ZNF808: variants seen among roughly 807,000 people sequenced by gnomAD.
ZNF808 encodes the protein zinc finger protein 808.
In ZNF808, 5 loss-of-function variants were observed where a neutral mutation model predicts 8.7. That is an observed-to-expected ratio of 0.58 (90% confidence interval 0.30 to 1.21). ZNF808 has a LOEUF of 1.21. Among genes scored for constraint, ZNF808 ranks in the 50% most tolerant of loss-of-function variants. ZNF808 has a pLI of 0.07. For synonymous variants in ZNF808, 380 were observed against 366.0 expected, an observed-to-expected ratio of 1.04 and a Z score of -0.44; for missense variants, 1,103 against 1,098.4, an observed-to-expected ratio of 1.00 and a Z score of -0.06.
intron 3 of ZNF808, among the ~76,000 whole-genome samples, chr19:52,544,146 G>A (rs1039467844): frequency 1.8e-4 from 28 of 152,080 alleles, no homozygotes; most frequent in Admixed American, 9.8e-4. Flanking sequence ...GAGATGGAGC[G>A]AGACTCTGTC....
rs137889643 is a variant in ZNF808, at chr19:52,542,561, A to G, written c.-19-705A>G. Among the ~76,000 whole-genome samples the G allele has an allele frequency of 6.8e-3, 1,030 of 151,172 alleles. 10 individuals carry two copies. The highest frequency in any genetic ancestry group is 0.023 in the African/African-American group (954 of 40,972). ...TCCCACAGCCCCCATTTGACACTGC[A>G]GCTGTGAAACCAGAAAATCTTACAG... is the stretch of plus-strand genomic sequence containing the variant. On this transcript the variant is annotated intron_variant, in intron 2 of 4. Coordinates refer to ENST00000359798, the MANE Select transcript of ZNF808 (RefSeq NM_001039886.4).
chr19:52,533,927 CAAATGATTCCAATTT>C lies in ZNF808; in HGVS notation c.-20+922_-20+936del, dbSNP rs371201852. Among the ~76,000 whole-genome samples, 1,033 of 145,728 alleles carry C rather than the reference CAAATGATTCCAATTT, an allele frequency of 7.1e-3. 16 individuals are homozygous for C. The highest frequency in any genetic ancestry group is 0.026 in the African/African-American group (987 of 38,574). On this transcript the variant is annotated intron_variant, in intron 2 of 4. Coordinates refer to ENST00000359798, the MANE Select transcript of ZNF808 (RefSeq NM_001039886.4). ...GTAGGAAATTAAGTAATTCAAACAT[CAAATGATTCCAATTT>C]AAAGCTATGGACATTTAAATAATTC...
In ZNF808 at chr19:52,554,841, C is replaced by T. The variant is rs745943688; in HGVS notation, c.1925C>T (p.Thr642Ile). The change falls in exon 5 of 5, where the codon ACA (threonine) becomes ATA (isoleucine). Residue 642 changes from threonine (T) to isoleucine (I), a missense_variant. Thr to Ile is a moderately conservative substitution (Grantham distance 89). Coordinates refer to ENST00000359798, the MANE Select transcript of ZNF808 (RefSeq NM_001039886.4). The stretch of plus-strand genomic sequence containing the variant: ...TGGAATTCACAGCTGGCACGACATA[C>T]AAGAATTCACACTGGAGAAAAAACT... ...FTWNSQLARH[T>I]RIHTGEKTYK... The T allele has an allele frequency of 6.2e-7, 1 of 1,613,510 alleles. No homozygotes were observed. The highest frequency in any genetic ancestry group is 1.3e-5 in the African/African-American group (1 of 74,722).
At chr19:52,540,644 T>TC (rs1197142540) in intron 2 of ZNF808, among the ~76,000 whole-genome samples, 4 of 152,156 alleles carry the variant, frequency 2.6e-5, no homozygotes, top group Admixed American at 2.0e-4. Context: ...TAAGTAAGTG[T>TC]CCCCTCAATT....
intron 4 of ZNF808, among the ~76,000 whole-genome samples, chr19:52,548,176 G>A (rs2059742020): frequency 6.6e-6 from 1 of 152,082 alleles, no homozygotes; most frequent in Non-Finnish European, 1.5e-5. Flanking sequence ...CATCATTCGG[G>A]CTCACAGCCT....
At chr19:52,551,953 A>C (rs1247891548) in intron 4 of ZNF808, among the ~76,000 whole-genome samples, 2 of 152,114 alleles carry the variant, frequency 1.3e-5, no homozygotes, top group African/African-American at 2.4e-5. Context: ...CAGTGAGCTG[A>C]GATTACACCA....
At chr19:52,564,949 T>G (rs1311517401), downstream of ZNF808, among the ~76,000 whole-genome samples, 3 of 151,946 alleles carry the variant, frequency 2.0e-5, no homozygotes, top group African/African-American at 7.3e-5. Context: ...AGCCAGGCGC[T>G]GTGGCAGGGG....
intron 2 of ZNF808, among the ~76,000 whole-genome samples, chr19:52,540,238 CTAACAT>C (rs1446085812): frequency 7.2e-5 from 11 of 152,044 alleles, no homozygotes; most frequent in African/African-American, 2.7e-4. Context: ...TCTCGAACCC[CTAACAT>C]TGTGGTCTTC....
chr19:52,544,288 G>C (rs1438064324), intron 3 of ZNF808, among the ~76,000 whole-genome samples: 1 of 152,106 alleles, frequency 6.6e-6, no homozygotes, highest in Non-Finnish European at 1.5e-5. Context: ...CTCCCAAAGA[G>C]CCTGAATGAT....
intron 3 of ZNF808, among the ~76,000 whole-genome samples, chr19:52,543,986 C>T (rs1187548472): frequency 6.6e-6 from 1 of 151,934 alleles, no homozygotes; most frequent in Non-Finnish European, 1.5e-5. Flanking sequence ...TGGTGAAACC[C>T]CATCTCTACT....
chr19:52,539,206 A>C (rs928105840), intron 2 of ZNF808, among the ~76,000 whole-genome samples: 20 of 61,660 alleles, frequency 3.2e-4, no homozygotes, highest in African/African-American at 1.3e-3. Flanking sequence ...TTTTTTTTTA[A>C]TTTTTGAGAT....
rs2059814138 is a variant in ZNF808 at position 52,554,529 on chromosome 19, C to T, written c.1613C>T (p.Ser538Phe). ...YHRRLHTLEK[S>F]YKCTVCNKVF... ...CGTAGACTTCACACTCTAGAGAAAT[C>T]TTACAAATGTACGGTTTGTAACAAG... Residue 538 changes from serine (S) to phenylalanine (F), a missense_variant, in exon 5 of 5, where the codon TCT (serine) becomes TTT (phenylalanine). Transcript: ENST00000359798. 7 of 1,614,140 alleles carry T rather than the reference C, an allele frequency of 4.3e-6. No individual in the cohort carries two copies. The highest frequency in any genetic ancestry group is 1.1e-5 in the South Asian group (1 of 91,074).
chr19:52,553,050 C>T (rs1224183523), intron 4 of ZNF808, 57 bp from the exon 5 acceptor site: 6 of 1,494,026 alleles, frequency 4.0e-6, no homozygotes, highest in East Asian at 2.3e-5. Context: ...TTACACACTT[C>T]AGTATGATTT....
chr19:52,547,073 G>T (rs933095300), intron 3 of ZNF808, among the ~76,000 whole-genome samples: 3 of 150,216 alleles, frequency 2.0e-5, no homozygotes, highest in Non-Finnish European at 4.4e-5. Flanking sequence ...TCAGCCTCCT[G>T]TGTAGCTGGG....
chr19:52,539,184 A>ATTTTTTT (rs3049209), intron 2 of ZNF808, among the ~76,000 whole-genome samples: 28 of 117,752 alleles, frequency 2.4e-4, no homozygotes, highest in African/African-American at 2.5e-4. Context: ...TCTTCATTTC[A>ATTTTTTT]TTTTTTTTTT....
At chr19:52,552,064 C>G (rs1055745757) in intron 4 of ZNF808, among the ~76,000 whole-genome samples, 4 of 151,402 alleles carry the variant, frequency 2.6e-5, no homozygotes, top group African/African-American at 7.3e-5. Context: ...GTCGCCCAGG[C>G]TGGAGTGCAG....
chr19:52,568,143 G>A (rs975528979), downstream of ZNF808, among the ~76,000 whole-genome samples: 8 of 152,232 alleles, frequency 5.3e-5, no homozygotes, highest in Non-Finnish European at 8.8e-5. Flanking sequence ...AGGCTGAGGC[G>A]GGCGGATCGC....
Position 52,554,889 on chromosome 19 carries a change from A to G in ZNF808, c.1973A>G (p.Lys658Arg), listed in dbSNP as rs1450775118. Residue 658 changes from lysine (K) to arginine (R), a missense_variant, in exon 5 of 5, where the codon AAG becomes AGG. Physicochemically the swap from Lys to Arg is conservative, Grantham distance 26. Transcript: ENST00000359798. ...ACTTACAAGTGTAATGAGTGTGGGA[A>G]GACCTTCAGTTACAAGTCATCACTT... Reference protein sequence around the residue: ...EKTYKCNECGKTFSYKSSLVW... With the variant: ...EKTYKCNECGRTFSYKSSLVW... 3.1e-6 allele frequency: 5 copies of G among 1,614,238 alleles called. No homozygotes were observed. In the East Asian group the frequency reaches 1.1e-4, roughly 36 times the overall value.
At chr19:52,546,570 T>C (rs981446725) in intron 3 of ZNF808, among the ~76,000 whole-genome samples, 2 of 151,974 alleles carry the variant, frequency 1.3e-5, no homozygotes, top group Non-Finnish European at 2.9e-5. Context: ...TCTTAGTTCA[T>C]CTAGAGACTA....
Sources: gnomAD v4.1 joint callset for allele counts (sites outside exome capture counted in the v4.1 genomes callset) on GRCh38, gnomAD v4.1.1 for gene constraint, MANE v1.5 for transcripts, NCBI Gene and HGNC (gene_info 2026-07-23, HGNC 2026-07-21) for gene names.